Variants in RALGAPA2 observed in about 807,000 individuals in gnomAD.
RALGAPA2 encodes the protein Ral GTPase activating protein catalytic subunit alpha 2, also known as ral GTPase-activating protein subunit alpha-2.
In RALGAPA2, 139 loss-of-function variants were observed where a neutral mutation model predicts 230.4. The observed-to-expected ratio is 0.60, with a 90% CI of 0.53 to 0.69. The LOEUF is 0.69. Among genes scored for constraint, RALGAPA2 ranks in the 30% least tolerant of loss-of-function variants. The pLI is 0.00. For synonymous variants in RALGAPA2, 847 were observed against 837.8 expected (o/e 1.01, Z -0.19); for missense variants, 2,163 against 2,276.0 (o/e 0.95, Z 1.01).
intron 9 of RALGAPA2, among the ~76,000 whole-genome samples, chr20:20,634,059 T>C (rs1274069678): frequency 6.6e-6 from 1 of 152,222 alleles, no homozygotes; most frequent in African/African-American, 2.4e-5. Context: ...TGTCTCTTAA[T>C]TCCTGAAAAT....
chr20:20,495,067 C>T (rs1410445900), intron 36 of RALGAPA2, 50 bp downstream of exon 36: 1 of 1,437,252 alleles, frequency 7.0e-7, no homozygotes, highest in Non-Finnish European at 9.4e-7. Flanking sequence ...GACAATGAAT[C>T]ACATGGCAAA....
chr20:20,673,151 C>T (rs2068196041), intron 3 of RALGAPA2, among the ~76,000 whole-genome samples: 1 of 151,206 alleles, frequency 6.6e-6, no homozygotes, highest in South Asian at 2.1e-4. Flanking sequence ...CACCACTGAA[C>T]TCCAGCCTGG....
At chr20:20,491,783 A>C (rs957131947) in intron 36 of RALGAPA2, among the ~76,000 whole-genome samples, 2 of 152,172 alleles carry the variant, frequency 1.3e-5, no homozygotes, top group African/African-American at 4.8e-5. Context: ...AGATGGACTT[A>C]TTTTGAAAGT....
chr20:20,496,862 G>A (rs2062220888), intron 35 of RALGAPA2, among the ~76,000 whole-genome samples: 1 of 152,162 alleles, frequency 6.6e-6, no homozygotes, highest in Non-Finnish European at 1.5e-5. Context: ...GGGAATGACT[G>A]TACAGGCCAA....
At chr20:20,396,391 G>A (rs1233754251) in intron 39 of RALGAPA2, among the ~76,000 whole-genome samples, 1 of 152,278 alleles carries the variant, frequency 6.6e-6, no homozygotes, top group South Asian at 2.1e-4. Flanking sequence ...CGGCCCCAGC[G>A]CCCGCTGGCT....
chr20:20,584,335 C>A (rs1293601400), intron 19 of RALGAPA2, among the ~76,000 whole-genome samples: 1 of 152,160 alleles, frequency 6.6e-6, no homozygotes, highest in Admixed American at 6.5e-5. Context: ...GGTCTATCTG[C>A]TCACTCATGC....
chr20:20,462,673 C>T (rs1160891696), intron 37 of RALGAPA2, among the ~76,000 whole-genome samples: 1 of 152,146 alleles, frequency 6.6e-6, no homozygotes, highest in East Asian at 1.9e-4. Context: ...AAAAAGTATT[C>T]TGCTTTCATT....
At chr20:20,590,103 CTTTT>C (rs2065244124) in intron 17 of RALGAPA2, among the ~76,000 whole-genome samples, 2 of 151,804 alleles carry the variant, frequency 1.3e-5, no homozygotes, top group South Asian at 4.1e-4. Flanking sequence ...GTATCACATA[CTTTT>C]TTGTGGTGAG....
At chr20:20,524,610 G>T in intron 29 of RALGAPA2, 67 bp from the exon 30 acceptor site, 1 of 1,584,264 alleles carries the variant, frequency 6.3e-7, no homozygotes, top group Non-Finnish European at 8.7e-7. Context: ...GTAATAATAA[G>T]AGAATTATCC....
chr20:20,411,072 A>G (rs1043352821), intron 38 of RALGAPA2, among the ~76,000 whole-genome samples: 12 of 152,200 alleles, frequency 7.9e-5, no homozygotes, highest in African/African-American at 2.7e-4. Context: ...TGTGTATAAG[A>G]TATTTGTTAA....
At chr20:20,515,876 A>G (rs576576357) in intron 31 of RALGAPA2, among the ~76,000 whole-genome samples, 53 of 152,302 alleles carry the variant, frequency 3.5e-4, no homozygotes, top group Admixed American at 9.1e-4. Flanking sequence ...TGCACTGCAG[A>G]CACATCTGCC....
intron 37 of RALGAPA2, among the ~76,000 whole-genome samples, chr20:20,412,375 T>G (rs2060079758): frequency 6.6e-6 from 1 of 152,146 alleles, no homozygotes; most frequent in African/African-American, 2.4e-5. Flanking sequence ...CTAATAACAC[T>G]AAAAAACATG....
chr20:20,598,223 A>T (rs184272673), intron 16 of RALGAPA2, among the ~76,000 whole-genome samples: 14 of 152,306 alleles, frequency 9.2e-5, no homozygotes, highest in Admixed American at 4.6e-4. Flanking sequence ...ATAACTGGTC[A>T]TTACTTCACA....
intron 37 of RALGAPA2, among the ~76,000 whole-genome samples, chr20:20,419,144 G>A (rs1328813549): frequency 6.6e-6 from 1 of 152,198 alleles, no homozygotes; most frequent in Non-Finnish European, 1.5e-5. Context: ...GATTACCTCT[G>A]GGGTGTGGAG....
intron 36 of RALGAPA2, among the ~76,000 whole-genome samples, chr20:20,478,787 A>G (rs1325372719): frequency 6.6e-6 from 1 of 152,104 alleles, no homozygotes; most frequent in Admixed American, 6.6e-5. Flanking sequence ...AGGACCATTC[A>G]TACCCCAAAC....
chr20:20,472,504 A>C (rs2061561469), intron 37 of RALGAPA2: 1 of 170,244 alleles, frequency 5.9e-6, no homozygotes, highest in African/African-American at 2.4e-5. Flanking sequence ...GACTGCCACA[A>C]ATAAGAGGGA....
At chr20:20,459,623 A>T (rs2061254803) in intron 37 of RALGAPA2, among the ~76,000 whole-genome samples, 1 of 151,638 alleles carries the variant, frequency 6.6e-6, no homozygotes, top group Non-Finnish European at 1.5e-5. Context: ...GTTCACCAAG[A>T]CCCTTGCGCC....
At chr20:20,582,182 G>GTGTC (rs1555791212) in intron 20 of RALGAPA2, among the ~76,000 whole-genome samples, 1 of 151,866 alleles carries the variant, frequency 6.6e-6, no homozygotes, top group African/African-American at 2.4e-5. Context: ...GTGTGTGTGT[G>GTGTC]TGTGTGTGTG....
chr20:20,670,690 G>A (rs2068102659), intron 3 of RALGAPA2, among the ~76,000 whole-genome samples: 1 of 151,464 alleles, frequency 6.6e-6, no homozygotes, highest in African/African-American at 2.4e-5. Context: ...GCTCATGCCT[G>A]TAATCCCAGC....
Sources: allele counts gnomAD v4.1 joint callset (sites outside exome capture counted in the v4.1 genomes callset), GRCh38; gene constraint gnomAD v4.1.1; transcripts MANE v1.5; gene names NCBI Gene and HGNC (gene_info 2026-07-23, HGNC 2026-07-21).